The following GRM3 variants were observed in gnomAD, a reference collection of about 807,000 sequenced individuals.
GRM3 encodes glutamate metabotropic receptor 3.
In GRM3, 26 loss-of-function variants were observed where a neutral mutation model predicts 70.5. The ratio of observed to expected loss-of-function variants is 0.37; its 90% confidence interval spans 0.27 to 0.51. The LOEUF is 0.51. Ranked by LOEUF, GRM3 falls within the 20% of genes least tolerant of loss-of-function variation. The probability of loss-of-function intolerance (pLI) is 0.93; values close to 1 mark genes in which losing one functional copy is unlikely to be tolerated. For missense variants in GRM3, 859 were observed against 1,123.8 expected, an observed-to-expected ratio of 0.76 and a Z score of 3.37; for synonymous variants, 443 against 434.9, an observed-to-expected ratio of 1.02 and a Z score of -0.23.
At chr7:86,738,919 G>T (rs963326567) in intron 1 of GRM3, among the ~76,000 whole-genome samples, 1 of 152,006 alleles carries the variant, frequency 6.6e-6, no homozygotes, top group African/African-American at 2.4e-5. Context: ...TACTTTGTTC[G>T]CAATTCAAGA....
At chr7:86,855,412 T>C (rs770067124) in intron 5 of GRM3, among the ~76,000 whole-genome samples, 7 of 152,162 alleles carry the variant, frequency 4.6e-5, no homozygotes, top group Non-Finnish European at 1.0e-4. Context: ...CTTGGTCCTA[T>C]AAGGATATGT....
chr7:86,653,712 AAG>A (rs1793662903), intron 1 of GRM3, among the ~76,000 whole-genome samples: 1 of 151,758 alleles, frequency 6.6e-6, no homozygotes, highest in South Asian at 2.1e-4. Context: ...ATATATTAGA[AAG>A]AGAAGTTACT....
intron 1 of GRM3, among the ~76,000 whole-genome samples, chr7:86,702,188 A>G (rs1444066101): frequency 1.3e-5 from 2 of 152,190 alleles, no homozygotes; most frequent in South Asian, 4.1e-4. Context: ...GTGTGAGGCC[A>G]TACAACAGAA....
intron 1 of GRM3, among the ~76,000 whole-genome samples, chr7:86,673,408 CCTT>C (rs1380306446): frequency 1.3e-5 from 2 of 152,088 alleles, no homozygotes; most frequent in African/African-American, 4.8e-5. Context: ...ATTCTTTCCT[CCTT>C]CTTACCGGTG....
At chr7:86,826,708 ATATT>A (rs1431823607) in intron 3 of GRM3, among the ~76,000 whole-genome samples, 1 of 152,192 alleles carries the variant, frequency 6.6e-6, no homozygotes, top group African/African-American at 2.4e-5. Flanking sequence ...AGAAATACAA[ATATT>A]TATTACCCTA....
chr7:86,684,169 T>C (rs1562824720), intron 1 of GRM3, among the ~76,000 whole-genome samples: 1 of 152,144 alleles, frequency 6.6e-6, no homozygotes, highest in Non-Finnish European at 1.5e-5. Flanking sequence ...TGCAACATTA[T>C]AGCCTTGCTC....
intron 3 of GRM3, among the ~76,000 whole-genome samples, chr7:86,804,653 C>G (rs889966167): frequency 6.6e-6 from 1 of 152,148 alleles, no homozygotes; most frequent in East Asian, 1.9e-4. Context: ...TCAGATGATC[C>G]GCCCGCCTTG....
chr7:86,758,484 A>T (rs1453244755), intron 1 of GRM3, among the ~76,000 whole-genome samples: 1 of 152,166 alleles, frequency 6.6e-6, no homozygotes, highest in Non-Finnish European at 1.5e-5. Context: ...AAGGAACTTG[A>T]GGATGCTAAA....
intron 1 of GRM3, among the ~76,000 whole-genome samples, chr7:86,702,953 G>A (rs1025049600): frequency 2.0e-5 from 3 of 152,008 alleles, no homozygotes; most frequent in Non-Finnish European, 4.4e-5. Flanking sequence ...TGAGTCCTAG[G>A]AGATGATTTC....
intron 1 of GRM3, among the ~76,000 whole-genome samples, chr7:86,703,985 A>G (rs569087384): frequency 9.2e-5 from 14 of 152,092 alleles, no homozygotes; most frequent in African/African-American, 3.1e-4. Flanking sequence ...CTGTATTAAT[A>G]AAGTTGTTTA....
intron 1 of GRM3, among the ~76,000 whole-genome samples, chr7:86,669,538 T>A (rs1390144951): frequency 6.6e-6 from 1 of 152,186 alleles, no homozygotes; most frequent in East Asian, 1.9e-4. Flanking sequence ...CACAAGTAGA[T>A]CCTTTTAAGA....
intron 1 of GRM3, among the ~76,000 whole-genome samples, chr7:86,686,791 A>G (rs11972852): frequency 0.02 from 3,040 of 152,168 alleles, 105 homozygotes; most frequent in African/African-American, 0.069. Context: ...AACGCAAAAA[A>G]TAGAAACAGA....
chr7:86,781,639 C>A (rs1429007195), intron 2 of GRM3, among the ~76,000 whole-genome samples: 2 of 151,958 alleles, frequency 1.3e-5, no homozygotes, highest in East Asian at 3.9e-4. Flanking sequence ...GTCACTTCAC[C>A]CTGTGAGATT....
intron 1 of GRM3, among the ~76,000 whole-genome samples, chr7:86,697,825 T>C (rs1442215822): frequency 6.6e-6 from 1 of 152,134 alleles, no homozygotes; most frequent in Non-Finnish European, 1.5e-5. Flanking sequence ...CTAAAAGAGA[T>C]ACCAGAACCC....
chr7:86,830,021 G>A (rs1368663608), intron 3 of GRM3, among the ~76,000 whole-genome samples: 1 of 152,166 alleles, frequency 6.6e-6, no homozygotes, highest in South Asian at 2.1e-4. Context: ...GAGTCTTCAA[G>A]GTAGCATGTA....
At position 86,838,847 on chromosome 7, in the gene GRM3, A is replaced by C. The variant is rs760146774; in HGVS notation, c.1333A>C (p.Asn445His). The change falls in exon 4 of 6, where the codon AAC becomes CAC. Residue 445 changes from asparagine (N) to histidine (H), a missense_variant. By Grantham distance (68) the Asn-to-His change is moderately conservative (BLOSUM62 1). Transcript: ENST00000361669. ...LLKINFTAPF[N>H]PNKDADSIVK... ...CACTTTACATATCACAGCTCCATTC[A>C]ACCCAAATAAAGATGCAGATAGCAT... 1.3e-6 allele frequency: 2 copies of C among 1,598,714 alleles called. No individual in the cohort carries two copies. The highest frequency in any genetic ancestry group is 1.7e-6 in the Non-Finnish European group (2 of 1,168,782).
At chr7:86,862,487 T>C (rs1271222928) in intron 5 of GRM3, among the ~76,000 whole-genome samples, 2 of 152,196 alleles carry the variant, frequency 1.3e-5, no homozygotes, top group Non-Finnish European at 2.9e-5. Context: ...TTCTTCATTG[T>C]AGCAGTTTCA....
At chr7:86,762,660 G>T (rs536045631) in intron 1 of GRM3, among the ~76,000 whole-genome samples, 1 of 152,160 alleles carries the variant, frequency 6.6e-6, no homozygotes, top group African/African-American at 2.4e-5. Flanking sequence ...AACTACAACA[G>T]GAATATAAAG....
chr7:86,696,050 C>A (rs1584172454), intron 1 of GRM3, among the ~76,000 whole-genome samples: 1 of 152,150 alleles, frequency 6.6e-6, no homozygotes, highest in African/African-American at 2.4e-5. Flanking sequence ...TTTCTGTAAA[C>A]ACTTGCTACT....
Sources: gnomAD v4.1 joint callset for allele counts (sites outside exome capture counted in the v4.1 genomes callset) on GRCh38, gnomAD v4.1.1 for gene constraint, MANE v1.5 for transcripts, NCBI Gene and HGNC (gene_info 2026-07-23, HGNC 2026-07-21) for gene names.